Variants in ZNF428 observed in about 807,000 individuals in gnomAD.
The protein encoded by ZNF428 is zinc finger protein 428, also known as enzyme-like protein PIT13.
A neutral mutation model predicts 15.6 loss-of-function variants in ZNF428; 5 were observed. The ratio of observed to expected loss-of-function variants is 0.32; its 90% CI spans 0.17 to 0.67. The LOEUF is 0.67. ZNF428 is among the 30% of genes least tolerant of loss of function. The pLI is 0.73. For missense variants in ZNF428, 237 were observed against 256.0 expected (o/e 0.93, Z 0.51); for synonymous variants, 97 against 102.2 (o/e 0.95, Z 0.31).
chr19:43,610,808 A>C (rs1197654544), intron 2 of ZNF428, among the ~76,000 whole-genome samples: 2 of 151,022 alleles, frequency 1.3e-5, no homozygotes, highest in Non-Finnish European at 3.0e-5. Context: ...GCCGTCCCAG[A>C]CCTCCTCATC....
At chr19:43,616,738 T>C (rs1384048557) in intron 1 of ZNF428, among the ~76,000 whole-genome samples, 4 of 151,958 alleles carry the variant, frequency 2.6e-5, no homozygotes, top group African/African-American at 9.7e-5. Context: ...CATCTCTCCC[T>C]GTGCACACAA....
At chr19:43,610,954 C>T (rs1973289193) in intron 2 of ZNF428, among the ~76,000 whole-genome samples, 1 of 152,162 alleles carries the variant, frequency 6.6e-6, no homozygotes, top group African/African-American at 2.4e-5. Context: ...ATTTAACAAT[C>T]GTTTCCTGAG....
chr19:43,615,564 G>A (rs945173843), intron 1 of ZNF428, among the ~76,000 whole-genome samples: 64 of 151,938 alleles, frequency 4.2e-4, no homozygotes, highest in Non-Finnish European at 6.9e-4. Context: ...AAAGTTAGCC[G>A]GTGTGGTGGC....
In ZNF428 at chr19:43,607,416, T is replaced by TAC. The variant is rs35296355; in HGVS notation, c.*199_*200dup. ...ACACAAACACACACACGGGCGGGAA[T>TAC]ACACACACACACACACACACTCTGA... On this transcript the variant is annotated 3_prime_UTR_variant, in exon 3 of 3. Transcript: ENST00000300811. This position sits in a 1 kb window ranked among gnomAD's most constrained non-coding sequence, Gnocchi z 5.1. The TAC allele has an allele frequency of 8.4e-3, 4,475 of 531,092 alleles. 111 individuals are homozygous for TAC. The highest frequency in any genetic ancestry group is 0.07 in the African/African-American group (3,516 of 50,204). The allele number at this position is 531,092 out of a possible 1,614,324, so 32.9% of individuals were successfully genotyped here.
At chr19:43,615,547 AAT>A (rs1973363949) in intron 1 of ZNF428, among the ~76,000 whole-genome samples, 1 of 151,984 alleles carries the variant, frequency 6.6e-6, no homozygotes. Context: ...AAAAAAAAAA[AAT>A]TACAAAAGTT....
chr19:43,608,756 C>T (rs1431628371), intron 2 of ZNF428, among the ~76,000 whole-genome samples: 1 of 151,422 alleles, frequency 6.6e-6, no homozygotes, highest in Non-Finnish European at 1.5e-5. Context: ...GGTGAAACCT[C>T]GTCTCTACTA....
intron 2 of ZNF428, chr19:43,613,733 A>G (rs1568535547): frequency 6.4e-7 from 1 of 1,551,630 alleles, no homozygotes; most frequent in Non-Finnish European, 8.7e-7. Context: ...ACAATCTAGA[A>G]GCCCCAACAA....
intron 1 of ZNF428, among the ~76,000 whole-genome samples, chr19:43,615,161 A>C (rs1568536276): frequency 1.3e-5 from 2 of 152,158 alleles, no homozygotes; most frequent in Non-Finnish European, 1.5e-5. Flanking sequence ...CTATCACAAC[A>C]ATCATCAACA....
Position 43,612,616 on chromosome 19 carries a change from A to C in ZNF428, c.76+1613T>G. 1 of 1,551,558 alleles carries C rather than the reference A, an allele frequency of 6.4e-7. No homozygotes were observed. Among genetic ancestry groups the C allele is most frequent in the Admixed American group, 2.0e-5 (1 of 51,002 alleles). ...GGGTGAGAACTCCCACTTCACAGCA[A>C]AAAGGGAGCCGGGGAAAGAGTTACG... On this transcript the variant is annotated intron_variant, in intron 2 of 2. Transcript: ENST00000300811. The surrounding 1 kb of genome is among the most constrained non-coding windows in gnomAD (Gnocchi z 4.2).
Position 43,613,809 on chromosome 19 carries a change from C to T in ZNF428, c.76+420G>A, listed in dbSNP as rs189487564. ...AGAGAGCACAGACAATCCAGAAGCCCCAGCAAAGAGAGAGATCGCAGACGA... is the reference window on the plus strand; with the variant it reads ...AGAGAGCACAGACAATCCAGAAGCCTCAGCAAAGAGAGAGATCGCAGACGA... On this transcript the variant is annotated intron_variant, in intron 2 of 2. Coordinates refer to ENST00000300811, the MANE Select transcript of ZNF428 (RefSeq NM_182498.4). The T allele has an allele frequency of 4.3e-3, 6,699 of 1,550,914 alleles. 20 individuals carry two copies. The highest frequency in any genetic ancestry group is 0.017 in the Middle Eastern group (100 of 5,988).
At chr19:43,619,299 T>G (rs2146126907) in intron 1 of ZNF428, among the ~76,000 whole-genome samples, 1 of 151,676 alleles carries the variant, frequency 6.6e-6, no homozygotes, top group East Asian at 1.9e-4. Context: ...TCGACAAGGA[T>G]CTGGGACACT....
chr19:43,618,731 T>C (rs1973400290), intron 1 of ZNF428, among the ~76,000 whole-genome samples: 1 of 152,076 alleles, frequency 6.6e-6, no homozygotes, highest in South Asian at 2.1e-4. Flanking sequence ...CATGTGATAT[T>C]TGGGACATAC....
At position 43,607,418 on chromosome 19, in the gene ZNF428, CACACACACACACACACACTCTGAACCA is replaced by C; in HGVS notation, c.*172_*198del. 2 of 50,156 alleles carry C rather than the reference CACACACACACACACACACTCTGAACCA, an allele frequency of 4.0e-5. No individual in the cohort carries two copies. Among genetic ancestry groups the C allele is most frequent in the Non-Finnish European group, 4.5e-5 (1 of 22,218 alleles). The allele number at this position is 50,156 out of a possible 1,614,324, so 3.1% of individuals were successfully genotyped here. A position where few individuals can be genotyped will look rare whatever the true frequency, so the allele number is the denominator to read the frequency against. On this transcript the variant is annotated 3_prime_UTR_variant, in exon 3 of 3. Coordinates refer to ENST00000300811, the MANE Select transcript of ZNF428 (RefSeq NM_182498.4). The surrounding 1 kb of genome is among the most constrained non-coding windows in gnomAD (Gnocchi z 5.1). Reference sequence around the variant, plus strand: ...ACAAACACACACACGGGCGGGAATACACACACACACACACACACTCTGAACCAACACACACAGATACAGATTTTGGCT... The same window carrying C: ...ACAAACACACACACGGGCGGGAATACACACACACAGATACAGATTTTGGCT...
chr19:43,607,457 T>TA lies in ZNF428; in HGVS notation c.*159dup. ...CACACTCTGAACCAACACACACAGA[T>TA]ACAGATTTTGGCTTTTATTCTGGCC... On this transcript the variant is annotated 3_prime_UTR_variant, in exon 3 of 3. Coordinates refer to ENST00000300811, the MANE Select transcript of ZNF428 (RefSeq NM_182498.4). The surrounding 1 kb of genome is among the most constrained non-coding windows in gnomAD (Gnocchi z 5.1). 1.2e-6 allele frequency: 1 copy of TA among 866,332 alleles called. No homozygotes were observed. Among genetic ancestry groups the TA allele is most frequent in the South Asian group, 1.9e-5 (1 of 53,694 alleles). The allele number at this position is 866,332 out of a possible 1,614,324, so 53.7% of individuals were successfully genotyped here. A position where few individuals can be genotyped will look rare whatever the true frequency, so the allele number is the denominator to read the frequency against.
intron 2 of ZNF428, chr19:43,613,822 A>C (rs1973339766): frequency 2.6e-6 from 4 of 1,549,454 alleles, no homozygotes; most frequent in Non-Finnish European, 3.5e-6. Flanking sequence ...GCAAAGAGAG[A>C]GATCGCAGAC....
intron 2 of ZNF428, chr19:43,613,195 C>G (rs1973323285): frequency 1.3e-6 from 2 of 1,551,534 alleles, no homozygotes; most frequent in Non-Finnish European, 1.7e-6. Context: ...GGTCTAGAAA[C>G]CCCAGCAAGG....
rs1045155777 is a variant in ZNF428 at position 43,613,754 on chromosome 19, C to T, written c.76+475G>A. The T allele has an allele frequency of 5.8e-6, 9 of 1,551,382 alleles. No homozygotes were observed. The Admixed American group carries it at 5.9e-5, about 10-fold the overall frequency. On this transcript the variant is annotated intron_variant, in intron 2 of 2. Coordinates refer to ENST00000300811, the MANE Select transcript of ZNF428 (RefSeq NM_182498.4). Reference sequence around the variant, plus strand: ...TAGAAGCCCCAACAAGGAGAGAGATCGCAGCCAATCTAGAAGCCCCAGCGA... The same window carrying T: ...TAGAAGCCCCAACAAGGAGAGAGATTGCAGCCAATCTAGAAGCCCCAGCGA...
In ZNF428 at chr19:43,613,162, C is replaced by CA. The variant is rs1973322855; in HGVS notation, c.76+1066dup. On this transcript the variant is annotated intron_variant, in intron 2 of 2. Coordinates refer to ENST00000300811, the MANE Select transcript of ZNF428 (RefSeq NM_182498.4). Reference sequence around the variant, plus strand: ...AAAGTCAAAACCAATCTAGAACCCCCAGAAGAGGAAGAAGTCACAACTGGT... The same window carrying CA: ...AAAGTCAAAACCAATCTAGAACCCCCAAGAAGAGGAAGAAGTCACAACTGGT... 3.2e-6 allele frequency: 5 copies of CA among 1,551,680 alleles called. No homozygotes were observed. In the East Asian group the frequency reaches 1.2e-4, roughly 38 times the overall value.
At chr19:43,613,745 G>C (rs1289079541) in intron 2 of ZNF428, 3 of 1,551,640 alleles carry the variant, frequency 1.9e-6, no homozygotes, top group Non-Finnish European at 1.7e-6. Context: ...CCCCAACAAG[G>C]AGAGAGATCG....
Sources: gnomAD v4.1 joint callset for allele counts (sites outside exome capture counted in the v4.1 genomes callset) on GRCh38, gnomAD v4.1.1 for gene constraint, Gnocchi (gnomAD v3.1) non-coding constraint, MANE v1.5 for transcripts, NCBI Gene and HGNC (gene_info 2026-07-23, HGNC 2026-07-21) for gene names.